The following XK variants were observed in gnomAD, a reference collection of about 807,000 sequenced individuals.
XK encodes endoplasmic reticulum membrane adapter protein XK.
In XK, 2 loss-of-function variants were observed where a neutral mutation model predicts 14.0. The observed-to-expected ratio is 0.14, with a 90% CI of 0.06 to 0.45. The LOEUF (loss-of-function observed/expected upper bound fraction) is 0.45. Ranked by LOEUF, XK falls within the 20% of genes least tolerant of loss-of-function variation. The pLI is 0.98. For missense variants in XK, 235 were observed against 341.5 expected (o/e 0.69, Z 2.46); for synonymous variants, 149 against 147.5 (o/e 1.01, Z -0.08).
intron 2 of XK, among the ~76,000 whole-genome samples, chrX:37,702,994 A>G (rs1314942314): frequency 8.9e-6 from 1 of 112,136 alleles, no homozygotes; most frequent in Non-Finnish European, 1.9e-5. Flanking sequence ...CCTTGTTCAA[A>G]AAGTGAGCCC....
chrX:37,725,464 G>A (rs1556449818), intron 2 of XK, among the ~76,000 whole-genome samples: 1 of 111,587 alleles, frequency 9.0e-6, no homozygotes, highest in Non-Finnish European at 1.9e-5. Context: ...GGGATGTGGA[G>A]CGATAGGAAC....
chrX:37,727,540 GT>G, intron 2 of XK, 95 bp from the exon 3 acceptor site: 2 of 737,753 alleles, frequency 2.7e-6, no homozygotes, highest in South Asian at 4.5e-5. Context: ...AAACAGAAGA[GT>G]CCAAGGAATG....
chrX:37,697,648 AT>A (rs782490598), intron 2 of XK, among the ~76,000 whole-genome samples: 2 of 112,124 alleles, frequency 1.8e-5, no homozygotes, highest in Non-Finnish European at 3.8e-5. Context: ...CTGGAGAGTT[AT>A]TGTTTTTCTT....
At chrX:37,696,233 G>A (rs1927304990) in intron 2 of XK, among the ~76,000 whole-genome samples, 1 of 112,358 alleles carries the variant, frequency 8.9e-6, no homozygotes, top group Non-Finnish European at 1.9e-5. Context: ...CAACAGAGTC[G>A]AGTAGTTGCA....
intron 2 of XK, among the ~76,000 whole-genome samples, chrX:37,712,363 A>G (rs1355846516): frequency 8.9e-6 from 1 of 112,276 alleles, no homozygotes; most frequent in Admixed American, 9.4e-5. Context: ...TAATTCATAT[A>G]TTCTTAGAGG....
chrX:37,708,373 T>C (rs1258196649), intron 2 of XK, among the ~76,000 whole-genome samples: 1 of 111,655 alleles, frequency 9.0e-6, no homozygotes, highest in Admixed American at 9.4e-5. Context: ...AGGAATGCAG[T>C]TGTAGAAGCT....
In XK at chrX:37,728,422, C is replaced by T; in HGVS notation, c.1295C>T (p.Pro432Leu). Residue 432 changes from proline (P) to leucine (L), a missense_variant, in exon 3 of 3, where the codon CCT becomes CTT. Pro to Leu is a moderately conservative substitution (Grantham distance 98, BLOSUM62 -3). Coordinates refer to ENST00000378616, the MANE Select transcript of XK (RefSeq NM_021083.4). ...TPSSSKTSPE[P>L]GQFLNAEDLC... The stretch of plus-strand genomic sequence containing the variant: ...TCTAGCAGTAAAACAAGTCCTGAGC[C>T]TGGTCAGTTCTTGAATGCTGAAGAT... 2 of 1,209,814 alleles carry T rather than the reference C, an allele frequency of 1.7e-6. No individual in the cohort carries two copies. Among genetic ancestry groups the T allele is most frequent in the Non-Finnish European group, 1.1e-6 (1 of 895,302 alleles).
At chrX:37,699,066 A>G (rs1927359891) in intron 2 of XK, among the ~76,000 whole-genome samples, 1 of 112,828 alleles carries the variant, frequency 8.9e-6, no homozygotes, top group Admixed American at 9.3e-5. Context: ...ATTACTCTGC[A>G]AAATGTATTT....
intron 1 of XK, among the ~76,000 whole-genome samples, chrX:37,692,015 T>A (rs1927213096): frequency 9.0e-6 from 1 of 111,672 alleles, no homozygotes; most frequent in Non-Finnish European, 1.9e-5. Context: ...TATTGGTATA[T>A]GTACTTCTAT....
intron 1 of XK, among the ~76,000 whole-genome samples, chrX:37,693,557 A>G (rs1927248239): frequency 9.2e-6 from 1 of 108,733 alleles, no homozygotes; most frequent in South Asian, 4.0e-4. Context: ...CAGCATCCAT[A>G]TTTTTACCTA....
intron 2 of XK, among the ~76,000 whole-genome samples, chrX:37,707,409 C>G (rs2146822470): frequency 9.5e-6 from 1 of 105,593 alleles, no homozygotes; most frequent in African/African-American, 3.5e-5. Context: ...ACTTCTCAGA[C>G]AGGGTGGCTG....
chrX:37,688,217 C>T (rs1927133473), intron 1 of XK, among the ~76,000 whole-genome samples: 3 of 108,671 alleles, frequency 2.8e-5, no homozygotes, highest in African/African-American at 1.0e-4. Context: ...CCCGCCACCA[C>T]GCCCGGCTAA....
intron 2 of XK, among the ~76,000 whole-genome samples, chrX:37,716,844 T>C (rs1170522013): frequency 2.1e-4 from 24 of 111,770 alleles, no homozygotes; most frequent in African/African-American, 6.5e-4. Context: ...CTCACTGATG[T>C]CCCTTTTCTC....
At chrX:37,686,621 A>G (rs1927082965) in intron 1 of XK, among the ~76,000 whole-genome samples, 1 of 111,598 alleles carries the variant, frequency 9.0e-6, no homozygotes, top group Admixed American at 9.5e-5. Context: ...CAGGTGATTT[A>G]ATTTTAATTT....
rs1367105998 is a variant in XK, at chrX:37,686,132, C to A, written c.171C>A (p.Phe57Leu). The change falls in exon 1 of 3, where the codon TTC becomes TTA. Residue 57 changes from phenylalanine (F) to leucine (L), a missense_variant. Coordinates refer to ENST00000378616, the MANE Select transcript of XK (RefSeq NM_021083.4). ...PCALVQLTLL[F>L]VHRDLSRDRP... ...CGCTCGTGCAGCTCACGCTTCTCTT[C>A]GTACACCGCGACCTCAGCCGCGACC... 1.7e-6 allele frequency: 2 copies of A among 1,210,545 alleles called. No homozygotes were observed. Among genetic ancestry groups the A allele is most frequent in the Non-Finnish European group, 2.2e-6 (2 of 894,995 alleles).
chrX:37,707,575 G>A (rs1270313708), intron 2 of XK, among the ~76,000 whole-genome samples: 9 of 109,181 alleles, frequency 8.2e-5, no homozygotes, highest in South Asian at 4.0e-4. Context: ...CAGACGGGGC[G>A]GCCGGGCAGA....
intron 2 of XK, among the ~76,000 whole-genome samples, chrX:37,724,483 C>A (rs1422747780): frequency 9.0e-6 from 1 of 111,221 alleles, no homozygotes; most frequent in Admixed American, 9.5e-5. Flanking sequence ...TTACACCCTT[C>A]ACAAAAAATT....
At position 37,727,937 on chromosome X, in the gene XK, C is replaced by T. The variant is rs781879761; in HGVS notation, c.810C>T (p.Ala270=). The part of the protein sequence containing the change: ...GSPFPENIEK[A]LSRVGTTIVL... ...CATTCCCTGAGAACATAGAGAAGGC[C>T]CTCAGTAGAGTGGGCACCACCATTG... Residue 270 remains alanine (A), a synonymous_variant, in exon 3 of 3, where the codon GCC becomes GCT. Coordinates refer to ENST00000378616, the MANE Select transcript of XK (RefSeq NM_021083.4). 1.7e-6 allele frequency: 2 copies of T among 1,209,128 alleles called. No individual in the cohort carries two copies. Among genetic ancestry groups the T allele is most frequent in the Admixed American group, 2.2e-5 (1 of 45,603 alleles).
In XK at chrX:37,731,419, T is replaced by C. The variant is rs1352305861; in HGVS notation, c.*2957T>C. ...GCACTTCCCTGTCCAGCACTACAAC[T>C]TAATTGCTCTATGCCTCAGTTTCCC... On this transcript the variant is annotated 3_prime_UTR_variant, in exon 3 of 3. Transcript: ENST00000378616. 8.9e-6 allele frequency: 1 copy of C among 112,055 alleles called. No individual in the cohort carries two copies. The highest frequency in any genetic ancestry group is 9.5e-5 in the Admixed American group (1 of 10,559). The allele number at this position is 112,055 out of a possible 1,213,427, so 9.2% of individuals were successfully genotyped here. A position where few individuals can be genotyped will look rare whatever the true frequency, so the allele number is the denominator to read the frequency against.
Sources: gnomAD v4.1 joint callset for allele counts (sites outside exome capture counted in the v4.1 genomes callset) on GRCh38, gnomAD v4.1.1 for gene constraint, MANE v1.5 for transcripts, NCBI Gene and HGNC (gene_info 2026-07-23, HGNC 2026-07-21) for gene names.